MAP3K20: variants seen among roughly 807,000 people sequenced by gnomAD.
MAP3K20 encodes the protein HCCS-4.
Under a neutral mutation model 85.7 loss-of-function variants are expected in MAP3K20, and 40 were observed. The ratio of observed to expected loss-of-function variants is 0.47; its 90% CI spans 0.36 to 0.61. The LOEUF is 0.61. Ranked by LOEUF, MAP3K20 falls within the 20% of genes least tolerant of loss-of-function variation. The pLI is 0.00. For synonymous variants in MAP3K20, 325 were observed against 327.7 expected, an observed-to-expected ratio of 0.99 and a Z score of 0.09; for missense variants, 817 against 961.7, an observed-to-expected ratio of 0.85 and a Z score of 1.99.
chr2:173,225,840 G>A (rs1684372538), intron 11 of MAP3K20: 1 of 984,190 alleles, frequency 1.0e-6, no homozygotes, highest in Non-Finnish European at 1.2e-6. Flanking sequence ...AGAAATGCTG[G>A]TGGCAACTTG....
intron 2 of MAP3K20, among the ~76,000 whole-genome samples, chr2:173,113,236 A>G (rs932797001): frequency 6.6e-6 from 1 of 152,040 alleles, no homozygotes; most frequent in Non-Finnish European, 1.5e-5. Flanking sequence ...GTCAGTTGTA[A>G]TAGCTCCTGT....
chr2:173,117,691 T>C (rs1203693780), intron 2 of MAP3K20, among the ~76,000 whole-genome samples: 1 of 152,216 alleles, frequency 6.6e-6, no homozygotes, highest in Admixed American at 6.5e-5. Flanking sequence ...GTGAGGATAC[T>C]CTGAAGGAGT....
chr2:173,221,231 T>A (rs374148263), intron 11 of MAP3K20: 1 of 1,613,622 alleles, frequency 6.2e-7, no homozygotes, highest in Non-Finnish European at 8.5e-7. Context: ...TGCAGAGATG[T>A]CATGTCAGAT....
At chr2:173,094,739 C>T (rs757418547) in intron 2 of MAP3K20, among the ~76,000 whole-genome samples, 8 of 152,064 alleles carry the variant, frequency 5.3e-5, no homozygotes, top group Non-Finnish European at 7.4e-5. Flanking sequence ...GTTGTGTGTC[C>T]TTGGTGTGTC....
At chr2:173,085,755 A>C (rs1687125605) in intron 1 of MAP3K20, among the ~76,000 whole-genome samples, 1 of 148,408 alleles carries the variant, frequency 6.7e-6, no homozygotes. Flanking sequence ...TGTTGCGTGG[A>C]GCAAAATTGC....
At chr2:173,264,877 A>T (rs999423175) in intron 19 of MAP3K20, among the ~76,000 whole-genome samples, 4 of 152,172 alleles carry the variant, frequency 2.6e-5, no homozygotes, top group Non-Finnish European at 5.9e-5. Context: ...ATGGAGAAAG[A>T]GGAAGGTAGA....
chr2:173,224,878 T>C, intron 11 of MAP3K20: 1 of 985,162 alleles, frequency 1.0e-6, no homozygotes, highest in South Asian at 4.7e-5. Context: ...ATGATGATAT[T>C]GTACAGCTTC....
In MAP3K20 at chr2:173,217,259, C is replaced by G. The variant is rs779066154; in HGVS notation, c.987+9C>G. On this transcript the variant is annotated intron_variant, in intron 11 of 19. Transcript: ENST00000375213. ...AGCAGTCCAACACCCCGGTGAGTAC[C>G]CTCCCCCTTCGCCGTCTTTCCACAT... 4 of 1,538,686 alleles carry G rather than the reference C, an allele frequency of 2.6e-6. No homozygotes were observed. The highest frequency in any genetic ancestry group is 3.5e-6 in the Non-Finnish European group (4 of 1,141,498).
chr2:173,228,617 G>C (rs1172513603), intron 11 of MAP3K20, among the ~76,000 whole-genome samples: 1 of 152,100 alleles, frequency 6.6e-6, no homozygotes, highest in East Asian at 1.9e-4. Flanking sequence ...AGTAAACCGA[G>C]ATTCAGGTGA....
intron 1 of MAP3K20, among the ~76,000 whole-genome samples, chr2:173,083,541 TA>T (rs969882513): frequency 3.3e-5 from 5 of 150,532 alleles, no homozygotes; most frequent in Non-Finnish European, 7.4e-5. Context: ...TTTTAGTGAT[TA>T]AAAAAAAATA....
At chr2:173,201,036 AG>A (rs1424773353) in intron 8 of MAP3K20, among the ~76,000 whole-genome samples, 1 of 152,246 alleles carries the variant, frequency 6.6e-6, no homozygotes, top group Non-Finnish European at 1.5e-5. Context: ...TGTCAAGACC[AG>A]GCAATTGAGA....
At chr2:173,092,543 A>G (rs1172194920) in intron 2 of MAP3K20, among the ~76,000 whole-genome samples, 1 of 152,238 alleles carries the variant, frequency 6.6e-6, no homozygotes, top group African/African-American at 2.4e-5. Flanking sequence ...CCAGGAGGCT[A>G]GAACCCCTGT....
At chr2:173,258,924 C>A (rs1024940154) in intron 17 of MAP3K20, 109 bp downstream of exon 17, 1 of 635,356 alleles carries the variant, frequency 1.6e-6, no homozygotes, top group Non-Finnish European at 2.7e-6. Context: ...CTCACATCAG[C>A]TCAGCCTCGA....
At chr2:173,257,661 A>G (rs1383223381) in intron 16 of MAP3K20, among the ~76,000 whole-genome samples, 1 of 152,182 alleles carries the variant, frequency 6.6e-6, no homozygotes, top group Non-Finnish European at 1.5e-5. Context: ...TCTCTTGGGT[A>G]AATACCTAGG....
At chr2:173,179,682 G>A (rs562193580) in intron 3 of MAP3K20, among the ~76,000 whole-genome samples, 48 of 146,070 alleles carry the variant, frequency 3.3e-4, no homozygotes, top group Middle Eastern at 3.5e-3. Context: ...ACAACCTATA[G>A]GTAGAAAATC....
chr2:173,082,217 A>G, intron 1 of MAP3K20, among the ~76,000 whole-genome samples: 1 of 152,050 alleles, frequency 6.6e-6, no homozygotes, highest in East Asian at 1.9e-4. Flanking sequence ...TATGCTGCCC[A>G]AGTTGGTCTT....
chr2:173,250,304 G>A (rs1002430019), intron 16 of MAP3K20, among the ~76,000 whole-genome samples: 4 of 152,196 alleles, frequency 2.6e-5, no homozygotes, highest in Non-Finnish European at 5.9e-5. Flanking sequence ...CAGTTGTGGG[G>A]ACTGAAATGA....
At chr2:173,121,940 GTAAGCC>G (rs1308132121) in intron 2 of MAP3K20, among the ~76,000 whole-genome samples, 1 of 152,184 alleles carries the variant, frequency 6.6e-6, no homozygotes, top group East Asian at 1.9e-4. Flanking sequence ...GCCCCATTGA[GTAAGCC>G]TTGGGGTGGC....
chr2:173,237,316 C>T (rs557967584), intron 14 of MAP3K20, among the ~76,000 whole-genome samples: 8 of 152,138 alleles, frequency 5.3e-5, no homozygotes, highest in Admixed American at 1.3e-4. Flanking sequence ...TGTGAGCCAC[C>T]GCACGCGGCC....
Sources: allele counts gnomAD v4.1 joint callset (sites outside exome capture counted in the v4.1 genomes callset), GRCh38; gene constraint gnomAD v4.1.1; transcripts MANE v1.5; gene names NCBI Gene and HGNC (gene_info 2026-07-23, HGNC 2026-07-21).